NR2F1-AS1: variants seen among roughly 807,000 people sequenced by gnomAD.
The protein encoded by NR2F1-AS1 is NR2F1 antisense RNA 1.
chr5:93,523,335 G>C (rs1055670719), intron 4 of NR2F1-AS1, among the ~76,000 whole-genome samples: 2 of 152,168 alleles, frequency 1.3e-5, no homozygotes, highest in African/African-American at 4.8e-5. Flanking sequence ...CTGAAAGAAA[G>C]GCAGCAGTCC....
At chr5:93,448,751 T>C (rs1405319584) in intron 4 of NR2F1-AS1, among the ~76,000 whole-genome samples, 1 of 152,168 alleles carries the variant, frequency 6.6e-6, no homozygotes, top group South Asian at 2.1e-4. Context: ...AGCTCCCTCT[T>C]ACTCAGCCTT....
intron 4 of NR2F1-AS1, among the ~76,000 whole-genome samples, chr5:93,536,147 T>A (rs550800683): frequency 6.6e-6 from 1 of 152,250 alleles, no homozygotes; most frequent in East Asian, 1.9e-4. Flanking sequence ...TATATGCTAA[T>A]AGTGAACTAT....
intron 4 of NR2F1-AS1, among the ~76,000 whole-genome samples, chr5:93,465,431 T>G (rs558769783): frequency 6.6e-6 from 1 of 152,286 alleles, no homozygotes; most frequent in South Asian, 2.1e-4. Flanking sequence ...AAACAACAGA[T>G]GCTGGAGAGG....
intron 4 of NR2F1-AS1, among the ~76,000 whole-genome samples, chr5:93,450,718 T>A (rs80279378): frequency 0.015 from 2,203 of 151,698 alleles, 64 homozygotes; most frequent in African/African-American, 0.051. Flanking sequence ...TCAAACAGGA[T>A]TGTTCACTAC....
At chr5:93,475,610 A>G (rs1750467451) in intron 4 of NR2F1-AS1, among the ~76,000 whole-genome samples, 1 of 152,188 alleles carries the variant, frequency 6.6e-6, no homozygotes, top group Non-Finnish European at 1.5e-5. Flanking sequence ...TTCCTTTCGA[A>G]TCTAGAGCTT....
chr5:93,485,076 A>G (rs555140116), intron 4 of NR2F1-AS1, among the ~76,000 whole-genome samples: 2 of 152,306 alleles, frequency 1.3e-5, no homozygotes, highest in East Asian at 3.9e-4. Context: ...ATTAACAAGG[A>G]TATTCAAGAC....
At position 93,577,552 on chromosome 5, in the gene NR2F1-AS1, T is replaced by C. The variant is rs939564764; in HGVS notation, n.313+2915A>G. Among the ~76,000 whole-genome samples the C allele has an allele frequency of 2.6e-5, 4 of 152,152 alleles. No homozygotes were observed. In the East Asian group the frequency reaches 7.7e-4, roughly 29 times the overall value. Reference sequence around the variant, plus strand: ...TTTCTGAGATAGGCTGGGGTTTAGTTTGTTTGTTTTGGTTTTGTGTTTTAG... The same window carrying C: ...TTTCTGAGATAGGCTGGGGTTTAGTCTGTTTGTTTTGGTTTTGTGTTTTAG... On this transcript the variant is annotated intron_variant and non_coding_transcript_variant, in intron 1 of 5. Coordinates refer to ENST00000660523, the Ensembl canonical transcript of NR2F1-AS1.
chr5:93,505,521 T>G (rs1751168094), intron 4 of NR2F1-AS1, among the ~76,000 whole-genome samples: 1 of 151,406 alleles, frequency 6.6e-6, no homozygotes, highest in African/African-American at 2.4e-5. Context: ...TGCAGCAAAC[T>G]TTTGTCTGTG....
chr5:93,448,562 T>C (rs1489465014), intron 4 of NR2F1-AS1, among the ~76,000 whole-genome samples: 1 of 152,220 alleles, frequency 6.6e-6, no homozygotes, highest in Admixed American at 6.5e-5. Flanking sequence ...AACTACCTGA[T>C]AGCTTAGGTG....
intron 4 of NR2F1-AS1, among the ~76,000 whole-genome samples, chr5:93,491,013 A>G (rs1312982322): frequency 2.0e-4 from 16 of 78,800 alleles, no homozygotes; most frequent in Non-Finnish European, 2.4e-4. Context: ...TGGTGATGGG[A>G]GTGGTGGTGG....
intron 1 of NR2F1-AS1, among the ~76,000 whole-genome samples, chr5:93,571,511 C>T (rs546548149): frequency 1.3e-3 from 200 of 151,042 alleles, no homozygotes; most frequent in Middle Eastern, 0.01. Context: ...ACACACTTTG[C>T]GAGTTGGGAC....
chr5:93,499,450 C>T (rs1014991536), intron 4 of NR2F1-AS1, among the ~76,000 whole-genome samples: 2 of 152,112 alleles, frequency 1.3e-5, no homozygotes, highest in African/African-American at 4.8e-5. Context: ...TTCATTATTA[C>T]TGTATCTGGT....
chr5:93,532,569 C>T (rs1751757440), intron 4 of NR2F1-AS1, among the ~76,000 whole-genome samples: 1 of 152,210 alleles, frequency 6.6e-6, no homozygotes, highest in Admixed American at 6.5e-5. Flanking sequence ...TATTACCTTT[C>T]ACCTTTGACC....
At chr5:93,534,232 T>C (rs923842024) in intron 4 of NR2F1-AS1, among the ~76,000 whole-genome samples, 1 of 152,192 alleles carries the variant, frequency 6.6e-6, no homozygotes, top group Non-Finnish European at 1.5e-5. Flanking sequence ...CCCTGTGAGG[T>C]AATACTATCA....
chr5:93,483,598 G>A (rs909761594), intron 4 of NR2F1-AS1, among the ~76,000 whole-genome samples: 36 of 152,160 alleles, frequency 2.4e-4, no homozygotes, highest in Non-Finnish European at 7.3e-5. Flanking sequence ...CTGAGGATGA[G>A]TCTGAAGAAC....
chr5:93,581,810 CCTCTCG>C (rs1561519817), upstream of NR2F1-AS1, among the ~76,000 whole-genome samples: 1 of 57,912 alleles, frequency 1.7e-5, no homozygotes, highest in African/African-American at 6.7e-5. Flanking sequence ...TCTCCCTCTC[CCTCTCG>C]TCTCTCTCTC....
chr5:93,494,361 T>C (rs1355996043), intron 4 of NR2F1-AS1, among the ~76,000 whole-genome samples: 2 of 152,210 alleles, frequency 1.3e-5, no homozygotes, highest in Admixed American at 6.5e-5. Context: ...CCAGCCATAG[T>C]GGCTCACGCC....
intron 4 of NR2F1-AS1, among the ~76,000 whole-genome samples, chr5:93,437,669 G>A (rs1561436229): frequency 6.6e-6 from 1 of 152,066 alleles, no homozygotes; most frequent in African/African-American, 2.4e-5. Context: ...AGTTTGTGAT[G>A]AATAAAATTA....
chr5:93,477,098 T>C (rs924420317), intron 4 of NR2F1-AS1, among the ~76,000 whole-genome samples: 1 of 152,156 alleles, frequency 6.6e-6, no homozygotes, highest in Admixed American at 6.5e-5. Flanking sequence ...GCATTGTATA[T>C]ATAACAGGAA....
Sources: allele counts gnomAD v4.1 joint callset (sites outside exome capture counted in the v4.1 genomes callset), GRCh38; gene constraint gnomAD v4.1.1; transcripts MANE v1.5; gene names NCBI Gene and HGNC (gene_info 2026-07-23, HGNC 2026-07-21).